HSD17B11: variants seen among roughly 807,000 people sequenced by gnomAD.
The protein encoded by HSD17B11 is hydroxysteroid 17-beta dehydrogenase 11, also known as estradiol 17-beta-dehydrogenase 11.
Under a neutral mutation model 27.8 loss-of-function variants are expected in HSD17B11, and 22 were observed. The observed-to-expected ratio is 0.79, with a 90% CI of 0.56 to 1.13. HSD17B11 has a LOEUF of 1.13. HSD17B11 is among the 50% of genes most tolerant of loss of function. The pLI is 0.00. For missense variants in HSD17B11, 314 were observed against 351.1 expected, an observed-to-expected ratio of 0.89 and a Z score of 0.84; for synonymous variants, 117 against 132.8, an observed-to-expected ratio of 0.88 and a Z score of 0.82.
At position 87,390,916 on chromosome 4, in the gene HSD17B11, G is replaced by A. The variant is rs774477899; in HGVS notation, c.155C>T (p.Thr52Ile). 2.2e-5 allele frequency: 35 copies of A among 1,614,038 alleles called. No homozygotes were observed. The highest frequency in any genetic ancestry group is 3.0e-5 in the Non-Finnish European group (35 of 1,180,030). The change falls in exon 1 of 7, where the codon ACT becomes ATT. Residue 52 changes from threonine (T) to isoleucine (I), a missense_variant. By Grantham distance (89) the Thr-to-Ile change is moderately conservative. Coordinates refer to ENST00000358290, the MANE Select transcript of HSD17B11 (RefSeq NM_016245.5). ...TTTAAGTTTAGCAAATTCATAGGCA[G>A]TCAGTCTCCCAATTCCATGCCCAGC... ...TGAGHGIGRLTAYEFAKLKSK... is the reference protein window; with the variant it reads ...TGAGHGIGRLIAYEFAKLKSK...
In HSD17B11 at chr4:87,337,320, C is replaced by T; in HGVS notation, c.859G>A (p.Val287Ile). 1 of 1,607,316 alleles carries T rather than the reference C, an allele frequency of 6.2e-7. No individual in the cohort carries two copies. Among genetic ancestry groups the T allele is most frequent in the Non-Finnish European group, 8.5e-7 (1 of 1,175,038 alleles). ...TATCCAATAACTGCATCAAACTTAACACTGATTTTTCGTTTTAAAACTGCC... is the reference window on the plus strand; with the variant it reads ...TATCCAATAACTGCATCAAACTTAATACTGATTTTTCGTTTTAAAACTGCC... ...FLAVLKRKIS[V>I]KFDAVIGYKM... Residue 287 changes from valine to isoleucine, a missense_variant, in exon 7 of 7, where the codon GTT becomes ATT. By Grantham distance (29) the Val-to-Ile change is conservative (BLOSUM62 3). Transcript: ENST00000358290.
At chr4:87,390,177 A>G (rs1720422534) in intron 1 of HSD17B11, among the ~76,000 whole-genome samples, 1 of 152,184 alleles carries the variant, frequency 6.6e-6, no homozygotes, top group African/African-American at 2.4e-5. Context: ...GTTTTTTGAG[A>G]CGGAGTCTAG....
At chr4:87,353,322 AG>A (rs1735320234) in intron 5 of HSD17B11, among the ~76,000 whole-genome samples, 1 of 152,232 alleles carries the variant, frequency 6.6e-6, no homozygotes, top group African/African-American at 2.4e-5. Flanking sequence ...TCTACTGAAG[AG>A]GGACTAATAA....
chr4:87,375,436 G>A (rs7676865), intron 2 of HSD17B11, among the ~76,000 whole-genome samples: 127,126 of 152,188 alleles, frequency 0.84, 53,516 homozygotes, highest in African/African-American at 0.94. Flanking sequence ...TTACTTCAAA[G>A]GGTAAGCAAA....
At chr4:87,373,971 G>C (rs116113712) in intron 3 of HSD17B11, among the ~76,000 whole-genome samples, 1 of 152,134 alleles carries the variant, frequency 6.6e-6, no homozygotes, top group Non-Finnish European at 1.5e-5. Context: ...ACCTTCAATG[G>C]TGAGGTTCAC....
At position 87,372,766 on chromosome 4, in the gene HSD17B11, A is replaced by G. The variant is rs1735745360; in HGVS notation, c.500T>C (p.Ile167Thr). The G allele has an allele frequency of 5.0e-6, 8 of 1,613,902 alleles. No homozygotes were observed. The highest frequency in any genetic ancestry group is 5.9e-6 in the Non-Finnish European group (7 of 1,179,750). ...TCCAGCTGCCGAAGCCACAGTGACAATATGGCCATGGTTATTCTTCGTCAT... is the reference window on the plus strand; with the variant it reads ...TCCAGCTGCCGAAGCCACAGTGACAGTATGGCCATGGTTATTCTTCGTCAT... ...PAMTKNNHGH[I>T]VTVASAAGHV... The change falls in exon 4 of 7, where the codon ATT (isoleucine) becomes ACT (threonine). Residue 167 changes from isoleucine to threonine, a missense_variant. Coordinates refer to ENST00000358290, the MANE Select transcript of HSD17B11 (RefSeq NM_016245.5).
chr4:87,354,933 G>C (rs1017359123), intron 5 of HSD17B11, among the ~76,000 whole-genome samples: 17 of 107,466 alleles, frequency 1.6e-4, no homozygotes, highest in Non-Finnish European at 2.4e-4. Context: ...TGGGCAAACA[G>C]CAAAATCCTG....
At chr4:87,374,858 A>G in intron 2 of HSD17B11, 28 bp from the exon 3 acceptor site, 2 of 1,515,458 alleles carry the variant, frequency 1.3e-6, no homozygotes, top group Non-Finnish European at 1.8e-6. Flanking sequence ...AGAAAAGTAA[A>G]TTCATTAAGA....
intron 4 of HSD17B11, among the ~76,000 whole-genome samples, chr4:87,368,491 G>A (rs899247534): frequency 1.1e-4 from 16 of 152,116 alleles, no homozygotes; most frequent in African/African-American, 3.6e-4. Context: ...ATTTTCATCC[G>A]TCTGCAACTC....
intron 4 of HSD17B11, among the ~76,000 whole-genome samples, chr4:87,371,045 C>A (rs1735708596): frequency 1.8e-5 from 2 of 109,822 alleles, no homozygotes; most frequent in South Asian, 2.3e-4. Flanking sequence ...AGCCACCGCG[C>A]CCGGCCTATT....
At chr4:87,339,974 G>A (rs11946465) in intron 6 of HSD17B11, among the ~76,000 whole-genome samples, 9,100 of 152,216 alleles carry the variant, frequency 0.06, 869 homozygotes, top group African/African-American at 0.21. Context: ...AGGAGAGTCT[G>A]TATTTCTAAC....
At chr4:87,346,759 A>G (rs1334600414) in intron 5 of HSD17B11, among the ~76,000 whole-genome samples, 2 of 152,138 alleles carry the variant, frequency 1.3e-5, no homozygotes, top group African/African-American at 4.8e-5. Context: ...ATACTGGCAA[A>G]GATTAAAAGT....
Position 87,374,700 on chromosome 4 carries a change from C to A in HSD17B11, c.449G>T (p.Trp150Leu). 6.3e-7 allele frequency: 1 copy of A among 1,594,594 alleles called. No individual in the cohort carries two copies. The highest frequency in any genetic ancestry group is 1.2e-5 in the South Asian group (1 of 86,182). The change falls in exon 3 of 7, where the codon TGG becomes TTG. Residue 150 changes from tryptophan (W) to leucine (L), a missense_variant and splice_region_variant. Physicochemically the swap from Trp to Leu is moderately conservative, Grantham distance 61. Coordinates refer to ENST00000358290, the MANE Select transcript of HSD17B11 (RefSeq NM_016245.5). ...TTTTGTAAAAGAAGCCATACTCACC[C>A]AGAAATGTGCAAGTACATTAACTTC... ...TFEVNVLAHF[W>L]TTKAFLPAMT...
chr4:87,340,447 T>C (rs375238874), intron 6 of HSD17B11, 43 bp downstream of exon 6: 6 of 1,260,470 alleles, frequency 4.8e-6, no homozygotes, highest in Non-Finnish European at 6.8e-6. Flanking sequence ...TAGATAATTG[T>C]TATTTTACCT....
intron 2 of HSD17B11, among the ~76,000 whole-genome samples, chr4:87,377,089 C>A (rs1735841652): frequency 6.6e-6 from 1 of 151,868 alleles, no homozygotes; most frequent in African/African-American, 2.4e-5. Context: ...GAGATTGCAC[C>A]ATTGCACGCC....
chr4:87,337,300 A>G lies in HSD17B11; in HGVS notation c.879T>C (p.Ile293=), dbSNP rs766608143. The part of the protein sequence containing the change: ...RKISVKFDAV[I]GYKMKAQ ...CTTATTGCGCTTTCATTTTATATCC[A>G]ATAACTGCATCAAACTTAACACTGA... Residue 293 remains isoleucine (I), a synonymous_variant, in exon 7 of 7, where the codon ATT becomes ATC. Coordinates refer to ENST00000358290, the MANE Select transcript of HSD17B11 (RefSeq NM_016245.5). 10 of 1,605,826 alleles carry G rather than the reference A, an allele frequency of 6.2e-6. No individual in the cohort carries two copies. The South Asian group carries it at 8.8e-5, about 14-fold the overall frequency.
rs114331860 is a variant in HSD17B11, at chr4:87,372,732, C to G, written c.534G>C (p.Ser178=). The G allele has an allele frequency of 1.9e-6, 3 of 1,611,684 alleles. No individual in the cohort carries two copies. The highest frequency in any genetic ancestry group is 1.7e-5 in the Admixed American group (1 of 59,948). ...VTVASAAGHV[S]VPFLLAYCSS... ...ACCAGTAAGCCAGTAAGAAGGGGAC[C>G]GAGACATGTCCAGCTGCCGAAGCCA... Residue 178 remains serine (S), a synonymous_variant, in exon 4 of 7, where the codon TCG becomes TCC. Transcript: ENST00000358290.
At chr4:87,370,959 A>G (rs62319091) in intron 4 of HSD17B11, among the ~76,000 whole-genome samples, 189 of 106,318 alleles carry the variant, frequency 1.8e-3, no homozygotes, top group East Asian at 5.0e-3. Context: ...TCACCGTGTT[A>G]GCCAGGATGG....
At chr4:87,390,782 A>G (rs2110137305) in intron 1 of HSD17B11, 79 bp downstream of exon 1, 1 of 1,260,820 alleles carries the variant, frequency 7.9e-7, no homozygotes, top group Non-Finnish European at 1.2e-6. Flanking sequence ...GAGATGAGGT[A>G]AAGGGTGGTT....
Sources: allele counts gnomAD v4.1 joint callset (sites outside exome capture counted in the v4.1 genomes callset), GRCh38; gene constraint gnomAD v4.1.1; transcripts MANE v1.5; gene names NCBI Gene and HGNC (gene_info 2026-07-23, HGNC 2026-07-21).